NFATC3: variants seen among roughly 807,000 people sequenced by gnomAD.
NFATC3 encodes nuclear factor of activated T-cells, cytoplasmic 3.
In NFATC3, 46 loss-of-function variants were observed where a neutral mutation model predicts 98.6. The ratio of observed to expected loss-of-function variants is 0.47; its 90% CI spans 0.37 to 0.60. The LOEUF (loss-of-function observed/expected upper bound fraction) is 0.60. NFATC3 is among the 20% of genes least tolerant of loss of function. The pLI, the probability that NFATC3 is intolerant of heterozygous loss-of-function variation, is 0.00. For synonymous variants in NFATC3, 512 were observed against 472.2 expected (o/e 1.08, Z -1.09); for missense variants, 1,256 against 1,295.5 (o/e 0.97, Z 0.47).
At chr16:68,216,776 G>A (rs1374168545) in intron 9 of NFATC3, among the ~76,000 whole-genome samples, 1 of 152,072 alleles carries the variant, frequency 6.6e-6, no homozygotes, top group Non-Finnish European at 1.5e-5. Context: ...CAAGCGATCC[G>A]CCAACCTTGG....
chr16:68,133,828 T>A (rs1260300253), intron 3 of NFATC3, among the ~76,000 whole-genome samples: 6 of 152,096 alleles, frequency 3.9e-5, no homozygotes, highest in Admixed American at 3.9e-4. Flanking sequence ...TCATGGACAT[T>A]TGATTTGTGT....
At chr16:68,195,535 G>T (rs758381146) in intron 9 of NFATC3, among the ~76,000 whole-genome samples, 1 of 152,072 alleles carries the variant, frequency 6.6e-6, no homozygotes, top group African/African-American at 2.4e-5. Flanking sequence ...CAGGCTGGGC[G>T]CAGTGGCTCA....
chr16:68,199,030 G>A (rs1258286839), intron 9 of NFATC3, among the ~76,000 whole-genome samples: 1 of 150,938 alleles, frequency 6.6e-6, no homozygotes, highest in African/African-American at 2.4e-5. Context: ...CCTGGCAACA[G>A]AGCGAGACTC....
At chr16:68,167,063 A>T in intron 5 of NFATC3, 48 bp downstream of exon 5, 8 of 1,556,864 alleles carry the variant, frequency 5.1e-6, no homozygotes, top group Non-Finnish European at 7.0e-6. Context: ...ATAATAGCTT[A>T]TTTTCTGTTT....
intron 9 of NFATC3, among the ~76,000 whole-genome samples, chr16:68,202,332 A>G (rs1567547855): frequency 1.3e-5 from 2 of 152,058 alleles, no homozygotes; most frequent in Admixed American, 6.6e-5. Flanking sequence ...TGTAAAAGAC[A>G]AGCAGAAGAG....
chr16:68,139,041 G>A (rs1222065388), intron 3 of NFATC3, among the ~76,000 whole-genome samples: 1 of 152,106 alleles, frequency 6.6e-6, no homozygotes, highest in Non-Finnish European at 1.5e-5. Flanking sequence ...CAGTATTGTA[G>A]GTGCTAGGGA....
At chr16:68,164,431 C>A (rs1029234031) in intron 4 of NFATC3, among the ~76,000 whole-genome samples, 1 of 152,028 alleles carries the variant, frequency 6.6e-6, no homozygotes, top group South Asian at 2.1e-4. Context: ...AGAGGGAGAG[C>A]GCCTAATCTC....
chr16:68,181,226 G>C (rs2039938486), intron 6 of NFATC3, among the ~76,000 whole-genome samples: 1 of 152,156 alleles, frequency 6.6e-6, no homozygotes, highest in African/African-American at 2.4e-5. Context: ...ATCTCTCAGA[G>C]GGCTTTTAAA....
Position 68,097,966 on chromosome 16 carries a change from C to T in NFATC3, c.103+12182C>T, listed in dbSNP as rs145431175. 8.6e-5 allele frequency among the ~76,000 whole-genome samples: 13 copies of T among 151,800 alleles called. No homozygotes were observed. In the East Asian group the frequency reaches 1.9e-3, roughly 23 times the overall value. On this transcript the variant is annotated intron_variant, in intron 1 of 9. Transcript: ENST00000346183. ...TTGTAAAGCATGTACCCTTTTTTTGCGGGGGTTGGGTGCTGACTTCTTGTC... is the reference window on the plus strand; with the variant it reads ...TTGTAAAGCATGTACCCTTTTTTTGTGGGGGTTGGGTGCTGACTTCTTGTC...
In NFATC3 at chr16:68,157,898, T is replaced by A. The variant is rs1225288369; in HGVS notation, c.1431T>A (p.Asn477Lys). Residue 477 changes from asparagine (N) to lysine (K), a missense_variant, in exon 4 of 10, where the codon AAT becomes AAA. Around this residue, in one of 3 missense-constraint regions of NFATC3, gnomAD observed 156 missense variants for 212.4 expected, o/e 0.73. Transcript: ENST00000346183. Reference sequence around the variant, plus strand: ...TGGGCTATAACGAAAAGCCAATAAATCTACAAATGTTTATTGGGACAGCAG... The same window carrying A: ...TGGGCTATAACGAAAAGCCAATAAAACTACAAATGTTTATTGGGACAGCAG... ...KLLGYNEKPI[N>K]LQMFIGTADD... The A allele has an allele frequency of 6.2e-7, 1 of 1,613,576 alleles. No individual in the cohort carries two copies. Among genetic ancestry groups the A allele is most frequent in the Non-Finnish European group, 8.5e-7 (1 of 1,179,792 alleles).
At chr16:68,113,219 G>C (rs550576474) in intron 1 of NFATC3, among the ~76,000 whole-genome samples, 7 of 152,276 alleles carry the variant, frequency 4.6e-5, no homozygotes, top group Admixed American at 3.9e-4. Context: ...CATCTTTGTG[G>C]ATTTATCTGC....
chr16:68,176,903 CAG>C (rs1169943701), intron 6 of NFATC3, among the ~76,000 whole-genome samples: 1 of 152,028 alleles, frequency 6.6e-6, no homozygotes, highest in Admixed American at 6.5e-5. Context: ...ACCTTCTGGA[CAG>C]GGGACTGTCT....
intron 9 of NFATC3, among the ~76,000 whole-genome samples, chr16:68,218,876 T>C (rs578125845): frequency 2.0e-5 from 3 of 151,488 alleles, no homozygotes; most frequent in Admixed American, 6.6e-5. Flanking sequence ...CCGGCCTAGA[T>C]GGTGCTTTTA....
At chr16:68,149,176 G>A (rs1457151009) in intron 3 of NFATC3, among the ~76,000 whole-genome samples, 2 of 151,698 alleles carry the variant, frequency 1.3e-5, no homozygotes, top group Non-Finnish European at 2.9e-5. Context: ...TTAATGATCT[G>A]TTCTTAAAAT....
intron 1 of NFATC3, among the ~76,000 whole-genome samples, chr16:68,105,901 C>CA (rs1400613651): frequency 6.6e-6 from 1 of 151,680 alleles, no homozygotes; most frequent in Admixed American, 6.6e-5. Context: ...TTTTTTGAGA[C>CA]AGAGTCTCAC....
intron 8 of NFATC3, among the ~76,000 whole-genome samples, chr16:68,184,445 C>T (rs770357275): frequency 1.3e-5 from 2 of 152,030 alleles, no homozygotes; most frequent in African/African-American, 4.8e-5. Flanking sequence ...ATGAAGTGTC[C>T]TGTTGTGGAG....
chr16:68,124,912 G>A (rs2036757072), intron 2 of NFATC3, among the ~76,000 whole-genome samples: 1 of 151,634 alleles, frequency 6.6e-6, no homozygotes, highest in Non-Finnish European at 1.5e-5. Flanking sequence ...TGTATTTTTA[G>A]TAGAGAATGG....
intron 6 of NFATC3, among the ~76,000 whole-genome samples, chr16:68,178,124 T>C (rs970296714): frequency 2.0e-5 from 3 of 152,198 alleles, no homozygotes; most frequent in African/African-American, 7.2e-5. Context: ...TGAGAAATTT[T>C]ATTAGCTCCC....
chr16:68,159,651 C>T (rs2038795418), intron 4 of NFATC3, among the ~76,000 whole-genome samples: 1 of 151,630 alleles, frequency 6.6e-6, no homozygotes, highest in Non-Finnish European at 1.5e-5. Context: ...TCTTGATCTC[C>T]TGACCTCGTG....
Sources: allele counts gnomAD v4.1 joint callset (sites outside exome capture counted in the v4.1 genomes callset), GRCh38; gene constraint gnomAD v4.1.1; regional missense constraint gnomAD v4.1.1; transcripts MANE v1.5; gene names NCBI Gene and HGNC (gene_info 2026-07-23, HGNC 2026-07-21).